Variants in FGGY observed in about 807,000 individuals in gnomAD.
FGGY encodes FGGY carbohydrate kinase domain containing.
FGGY carries 72 observed loss-of-function variants against 71.3 expected under a neutral mutation model. The ratio of observed to expected loss-of-function variants is 1.01; its 90% CI spans 0.84 to 1.23. The LOEUF is 1.23. Ranked by LOEUF, FGGY falls within the 50% of genes most tolerant of loss-of-function variation. The pLI is 0.00. For synonymous variants in FGGY, 251 were observed against 250.3 expected (o/e 1.00, Z -0.02); for missense variants, 668 against 682.3 (o/e 0.98, Z 0.23).
intron 7 of FGGY, among the ~76,000 whole-genome samples, chr1:59,537,635 G>A (rs940814599): frequency 2.0e-5 from 3 of 152,120 alleles, no homozygotes; most frequent in African/African-American, 2.4e-5. Context: ...CATGGTACTG[G>A]TACCAAAACA....
At chr1:59,605,753 C>G (rs2096617673) in intron 8 of FGGY, among the ~76,000 whole-genome samples, 1 of 152,062 alleles carries the variant, frequency 6.6e-6, no homozygotes, top group South Asian at 2.1e-4. Flanking sequence ...AAAGAGAGAA[C>G]CGGGGTAGCT....
chr1:59,323,598 T>C (rs577372290), intron 2 of FGGY, among the ~76,000 whole-genome samples: 3 of 152,350 alleles, frequency 2.0e-5, no homozygotes, highest in East Asian at 1.9e-4. Context: ...TGACCTGTTA[T>C]AGAGCACAGA....
chr1:59,376,987 C>G (rs142076834), intron 4 of FGGY, among the ~76,000 whole-genome samples: 4 of 152,134 alleles, frequency 2.6e-5, no homozygotes, highest in Non-Finnish European at 5.9e-5. Context: ...TGAAATGGTT[C>G]CATTTGGGTC....
In FGGY at chr1:59,325,175, A is replaced by G. The variant is rs181353975; in HGVS notation, c.201+3425A>G. The stretch of plus-strand genomic sequence containing the variant: ...GAGACCATCCTGGTTAACATGGTGA[A>G]ACCCTGTCTCTACTAAAAATACAAA... On this transcript the variant is annotated intron_variant, in intron 2 of 15. Coordinates refer to ENST00000303721, the MANE Select transcript of FGGY (RefSeq NM_018291.5). Among the ~76,000 whole-genome samples, 428 of 150,580 alleles carry G rather than the reference A, an allele frequency of 2.8e-3. 3 individuals are homozygous for G. The highest frequency in any genetic ancestry group is 3.3e-3 in the Non-Finnish European group (220 of 67,582).
intron 14 of FGGY, among the ~76,000 whole-genome samples, chr1:59,736,965 C>T (rs921291603): frequency 2.0e-5 from 3 of 152,228 alleles, no homozygotes; most frequent in Non-Finnish European, 2.9e-5. Context: ...GCCCAGGGTA[C>T]CCCTGCTGTG....
chr1:59,397,294 G>C (rs1298360651), intron 5 of FGGY, among the ~76,000 whole-genome samples: 1 of 152,182 alleles, frequency 6.6e-6, no homozygotes, highest in Non-Finnish European at 1.5e-5. Flanking sequence ...TACCAGGGCT[G>C]CTGGGACAAG....
chr1:59,365,703 A>G (rs1369768226), intron 4 of FGGY, among the ~76,000 whole-genome samples: 1 of 152,224 alleles, frequency 6.6e-6, no homozygotes, highest in Non-Finnish European at 1.5e-5. Flanking sequence ...ATCTGCAAGC[A>G]TAGTTTTCTG....
chr1:59,722,275 CTT>C (rs1314922406), intron 14 of FGGY, among the ~76,000 whole-genome samples: 4 of 151,858 alleles, frequency 2.6e-5, no homozygotes, highest in Non-Finnish European at 5.9e-5. Flanking sequence ...ATCAGTGTAA[CTT>C]ATCGCTATTG....
At chr1:59,481,543 A>C (rs1717820) in intron 6 of FGGY, among the ~76,000 whole-genome samples, 77,076 of 151,846 alleles carry the variant, frequency 0.51, 20,107 homozygotes, top group African/African-American at 0.62. Flanking sequence ...GGGCATATTT[A>C]TAAAAAACGT....
At chr1:59,454,326 T>C (rs963200229) in intron 5 of FGGY, among the ~76,000 whole-genome samples, 6 of 152,156 alleles carry the variant, frequency 3.9e-5, no homozygotes, top group Admixed American at 1.3e-4. Context: ...TCCCCAAAAG[T>C]TGGAATTTCA....
intron 14 of FGGY, among the ~76,000 whole-genome samples, chr1:59,723,361 C>T (rs931511169): frequency 3.9e-5 from 6 of 152,118 alleles, no homozygotes; most frequent in Admixed American, 3.3e-4. Context: ...CTAACTCGCT[C>T]TCCTTGCTTA....
At chr1:59,538,444 C>T (rs939792606) in intron 7 of FGGY, among the ~76,000 whole-genome samples, 1 of 151,692 alleles carries the variant, frequency 6.6e-6, no homozygotes, top group African/African-American at 2.4e-5. Flanking sequence ...GGCGATTCCT[C>T]AGGGATCTAG....
chr1:59,342,817 C>T (rs863124), intron 3 of FGGY, among the ~76,000 whole-genome samples: 3,494 of 152,138 alleles, frequency 0.023, 120 homozygotes, highest in African/African-American at 0.076. Context: ...AAAGTATTGC[C>T]GTCTTTAGAT....
intron 7 of FGGY, among the ~76,000 whole-genome samples, chr1:59,524,406 C>G (rs1405674130): frequency 6.6e-6 from 1 of 152,244 alleles, no homozygotes; most frequent in African/African-American, 2.4e-5. Context: ...ACCCCACCTT[C>G]AAGCCAGGGA....
Position 59,345,822 on chromosome 1 carries a change from G to A in FGGY, c.314-425G>A, listed in dbSNP as rs117423280. Among the ~76,000 whole-genome samples, 598 of 152,154 alleles carry A rather than the reference G, an allele frequency of 3.9e-3. 11 individuals carry two copies. The highest frequency in any genetic ancestry group is 0.026 in the East Asian group (134 of 5,178). On this transcript the variant is annotated intron_variant, in intron 3 of 15. Transcript: ENST00000303721. ...GTTTAGCTATTAGATGTATTATACCGTCAAAGTATTTATCCATATTTAAAG... is the reference window on the plus strand; with the variant it reads ...GTTTAGCTATTAGATGTATTATACCATCAAAGTATTTATCCATATTTAAAG...
chr1:59,505,221 T>C (rs2094346676), intron 6 of FGGY, among the ~76,000 whole-genome samples: 1 of 152,222 alleles, frequency 6.6e-6, no homozygotes, highest in Non-Finnish European at 1.5e-5. Flanking sequence ...GAAGAGGTAT[T>C]GGATGGGAAT....
intron 5 of FGGY, among the ~76,000 whole-genome samples, chr1:59,426,669 A>C (rs2093720012): frequency 6.6e-6 from 1 of 152,020 alleles, no homozygotes. Context: ...GCCCTTGTTT[A>C]CTTTTTACTT....
chr1:59,355,815 CT>C (rs1334813608), intron 4 of FGGY, among the ~76,000 whole-genome samples: 4 of 152,020 alleles, frequency 2.6e-5, no homozygotes, highest in Non-Finnish European at 5.9e-5. Flanking sequence ...TCACTGCCTG[CT>C]TTTAAAGGGC....
chr1:59,549,115 G>A (rs780236623), intron 7 of FGGY, among the ~76,000 whole-genome samples: 4 of 152,274 alleles, frequency 2.6e-5, no homozygotes, highest in African/African-American at 4.8e-5. Flanking sequence ...CAGAGAACAC[G>A]TCTTTGATAT....
Sources: allele counts gnomAD v4.1 joint callset (sites outside exome capture counted in the v4.1 genomes callset), GRCh38; gene constraint gnomAD v4.1.1; transcripts MANE v1.5; gene names NCBI Gene and HGNC (gene_info 2026-07-23, HGNC 2026-07-21).